PVT1: variants seen among roughly 807,000 people sequenced by gnomAD.
PVT1 encodes the protein CXCR4/PVT1 fusion.
At chr8:127,909,003 G>A (rs889301955) in intron 3 of PVT1, among the ~76,000 whole-genome samples, 4 of 152,126 alleles carry the variant, frequency 2.6e-5, no homozygotes, top group Non-Finnish European at 5.9e-5. Flanking sequence ...GCTTATAGAC[G>A]CTGCCCGTTT....
chr8:127,959,571 G>C (rs1255540446), intron 3 of PVT1, among the ~76,000 whole-genome samples: 1 of 135,820 alleles, frequency 7.4e-6, no homozygotes, highest in African/African-American at 2.8e-5. Flanking sequence ...GCAACAGCGC[G>C]AGACTCTGTC....
At chr8:127,848,063 G>A (rs1030342762) in intron 2 of PVT1, among the ~76,000 whole-genome samples, 1 of 152,052 alleles carries the variant, frequency 6.6e-6, no homozygotes, top group Admixed American at 6.6e-5. Context: ...TATTGAAATC[G>A]GGAGCAGCTC....
chr8:127,964,599 G>A (rs1195535592), intron 3 of PVT1, among the ~76,000 whole-genome samples: 1 of 152,102 alleles, frequency 6.6e-6, no homozygotes, highest in East Asian at 1.9e-4. Context: ...CTGAAATCAA[G>A]GTGTCAGCGA....
At chr8:127,850,699 T>G (rs1183811461) in intron 2 of PVT1, among the ~76,000 whole-genome samples, 1 of 152,352 alleles carries the variant, frequency 6.6e-6, no homozygotes, top group South Asian at 2.1e-4. Flanking sequence ...GTGGAAATAA[T>G]GTCACAGTGC....
chr8:127,871,144 C>T (rs921159335), intron 2 of PVT1, among the ~76,000 whole-genome samples: 4 of 152,206 alleles, frequency 2.6e-5, no homozygotes, highest in East Asian at 1.9e-4. Flanking sequence ...ATCTAAAACA[C>T]GCAATGCAGA....
At chr8:127,978,106 C>G (rs529563888) in intron 3 of PVT1, among the ~76,000 whole-genome samples, 7 of 152,258 alleles carry the variant, frequency 4.6e-5, no homozygotes, top group African/African-American at 1.7e-4. Flanking sequence ...AGCTGCTGAT[C>G]ACAAGTTACG....
intron 3 of PVT1, among the ~76,000 whole-genome samples, chr8:127,987,277 G>T (rs1056505222): frequency 3.3e-5 from 5 of 152,196 alleles, no homozygotes; most frequent in Non-Finnish European, 7.3e-5. Flanking sequence ...CCTGGCAGAC[G>T]GGTAGTGTTT....
chr8:127,954,689 C>T (rs1816548348), intron 3 of PVT1, among the ~76,000 whole-genome samples: 1 of 152,278 alleles, frequency 6.6e-6, no homozygotes, highest in Non-Finnish European at 1.5e-5. Flanking sequence ...CAAACTGAGG[C>T]CCAGGGAGTG....
chr8:127,824,179 T>G (rs1486994221), intron 2 of PVT1, among the ~76,000 whole-genome samples: 1 of 151,958 alleles, frequency 6.6e-6, no homozygotes, highest in Non-Finnish European at 1.5e-5. Flanking sequence ...AGACCCTATC[T>G]CAAAAAAAAG....
At chr8:127,933,384 G>T (rs1816234651) in intron 3 of PVT1, among the ~76,000 whole-genome samples, 1 of 152,186 alleles carries the variant, frequency 6.6e-6, no homozygotes, top group African/African-American at 2.4e-5. Context: ...CAGTATCATG[G>T]ATATTTTTAA....
At chr8:127,967,407 G>A (rs1490319328) in intron 3 of PVT1, among the ~76,000 whole-genome samples, 1 of 152,228 alleles carries the variant, frequency 6.6e-6, no homozygotes, top group Non-Finnish European at 1.5e-5. Context: ...TCCTGTGTGG[G>A]ACACAAAGTG....
chr8:128,051,074 G>A (rs1212313130), intron 4 of PVT1, among the ~76,000 whole-genome samples: 1 of 152,218 alleles, frequency 6.6e-6, no homozygotes, highest in African/African-American at 2.4e-5. Flanking sequence ...GGACGATTGA[G>A]TATTCAACTC....
intron 2 of PVT1, among the ~76,000 whole-genome samples, chr8:127,810,988 G>A (rs1237888146): frequency 2.0e-5 from 3 of 152,140 alleles, no homozygotes; most frequent in Non-Finnish European, 4.4e-5. Context: ...CCTGTCAGGG[G>A]TTCCAAACTT....
chr8:127,814,292 T>C (rs890099529), intron 2 of PVT1, among the ~76,000 whole-genome samples: 8 of 152,280 alleles, frequency 5.3e-5, no homozygotes, highest in South Asian at 2.1e-4. Context: ...ACCTGGGCCA[T>C]ATCTGGGTCT....
chr8:127,876,783 C>T (rs1218055308), intron 2 of PVT1, among the ~76,000 whole-genome samples: 7 of 152,182 alleles, frequency 4.6e-5, no homozygotes, highest in Admixed American at 2.6e-4. Context: ...AGAGCAGAGC[C>T]GATGTGCCTG....
intron 4 of PVT1, among the ~76,000 whole-genome samples, chr8:128,043,528 A>C (rs1809581295): frequency 1.3e-5 from 2 of 152,148 alleles, no homozygotes; most frequent in Non-Finnish European, 1.5e-5. Flanking sequence ...CGCTCATAGA[A>C]GGAGATGGCC....
At chr8:127,995,241 CT>C (rs1169547791) in intron 4 of PVT1, among the ~76,000 whole-genome samples, 1 of 152,220 alleles carries the variant, frequency 6.6e-6, no homozygotes, top group Non-Finnish European at 1.5e-5. Context: ...AAGAGCCACT[CT>C]TGTCCTGTTC....
At chr8:127,861,188 C>T (rs1815224164) in intron 2 of PVT1, among the ~76,000 whole-genome samples, 1 of 152,180 alleles carries the variant, frequency 6.6e-6, no homozygotes, top group African/African-American at 2.4e-5. Flanking sequence ...ACCAGCCTTC[C>T]ACCTAGCTAG....
intron 2 of PVT1, among the ~76,000 whole-genome samples, chr8:127,868,794 C>CGT (rs71300273): frequency 2.0e-3 from 18 of 8,974 alleles, no homozygotes; most frequent in Admixed American, 5.4e-3. Context: ...TATATATATA[C>CGT]ATATATATGT....
Sources: allele counts gnomAD v4.1 joint callset (sites outside exome capture counted in the v4.1 genomes callset), GRCh38; gene constraint gnomAD v4.1.1; transcripts MANE v1.5; gene names NCBI Gene and HGNC (gene_info 2026-07-23, HGNC 2026-07-21).